The following ATP9B variants were observed in gnomAD, a reference collection of about 807,000 sequenced individuals.
The protein encoded by ATP9B is ATPase phospholipid transporting 9B.
ATP9B carries 110 observed loss-of-function variants against 146.1 expected under a neutral mutation model. The ratio of observed to expected loss-of-function variants is 0.75; its 90% CI spans 0.65 to 0.88. The LOEUF is 0.88. ATP9B is among the 40% of genes least tolerant of loss of function. The pLI is 0.00. For missense variants in ATP9B, 1,499 were observed against 1,496.4 expected, an observed-to-expected ratio of 1.00 and a Z score of -0.03; for synonymous variants, 604 against 569.7, an observed-to-expected ratio of 1.06 and a Z score of -0.86.
intron 8 of ATP9B, among the ~76,000 whole-genome samples, chr18:79,181,703 C>T (rs2095254144): frequency 6.6e-6 from 1 of 152,064 alleles, no homozygotes; most frequent in African/African-American, 2.4e-5. Flanking sequence ...TTAAGCCCAC[C>T]CAATGAATTT....
At chr18:79,248,943 C>T (rs551347927) in intron 11 of ATP9B, among the ~76,000 whole-genome samples, 22 of 152,238 alleles carry the variant, frequency 1.4e-4, no homozygotes, top group Non-Finnish European at 2.4e-4. Flanking sequence ...CAGCATTCGA[C>T]GTCTGCTCCA....
At chr18:79,267,183 A>C (rs1369811114) in intron 12 of ATP9B, among the ~76,000 whole-genome samples, 1 of 152,002 alleles carries the variant, frequency 6.6e-6, no homozygotes, top group East Asian at 1.9e-4. Context: ...CAAGTATTTA[A>C]ATTTTCAGTT....
At chr18:79,147,757 A>G (rs1453751430) in intron 6 of ATP9B, among the ~76,000 whole-genome samples, 3 of 151,972 alleles carry the variant, frequency 2.0e-5, no homozygotes, top group Non-Finnish European at 4.4e-5. Context: ...CCCCTACTGC[A>G]AGAAATTAGG....
chr18:79,079,563 T>C (rs993486914), intron 1 of ATP9B, among the ~76,000 whole-genome samples: 4 of 152,214 alleles, frequency 2.6e-5, no homozygotes, highest in African/African-American at 9.6e-5. Context: ...GTCAGATGGA[T>C]AGATTGCAAA....
At chr18:79,172,202 G>A (rs980733581) in intron 7 of ATP9B, among the ~76,000 whole-genome samples, 5 of 148,764 alleles carry the variant, frequency 3.4e-5, no homozygotes, top group African/African-American at 1.0e-4. Flanking sequence ...CCTAGCCACC[G>A]TGCCCCGCCC....
chr18:79,205,278 CAAAT>C (rs2095523147), intron 9 of ATP9B, among the ~76,000 whole-genome samples: 1 of 74,188 alleles, frequency 1.3e-5, no homozygotes, highest in African/African-American at 7.9e-5. Context: ...CTGTGCTTCA[CAAAT>C]AAACAAATCA....
intron 5 of ATP9B, among the ~76,000 whole-genome samples, chr18:79,136,893 AAGG>A (rs1460392565): frequency 6.6e-6 from 1 of 152,200 alleles, no homozygotes; most frequent in Non-Finnish European, 1.5e-5. Flanking sequence ...TGGTGGCAGC[AAGG>A]AGAAGTGCAA....
intron 12 of ATP9B, chr18:79,254,697 C>G (rs2096061447): frequency 6.6e-6 from 1 of 152,474 alleles, no homozygotes; most frequent in Admixed American, 6.5e-5. Context: ...CCTAATAAGG[C>G]CCAGCTTCCC....
intron 1 of ATP9B, chr18:79,086,250 GC>G (rs1159165579): frequency 1.3e-5 from 2 of 151,876 alleles, no homozygotes; most frequent in African/African-American, 2.4e-5. Flanking sequence ...GACCAGCCTG[GC>G]CAAGGTGGTG....
chr18:79,230,733 A>C (rs988678926), intron 11 of ATP9B, among the ~76,000 whole-genome samples: 5 of 152,188 alleles, frequency 3.3e-5, no homozygotes, highest in Non-Finnish European at 1.5e-5. Flanking sequence ...CCTAAAATTC[A>C]TATGGAACCA....
rs140493966 is a variant in ATP9B at position 79,176,685 on chromosome 18, G to T, written c.779-128G>T. The stretch of plus-strand genomic sequence containing the variant: ...AAAGTTTTTAAGGAGTTTTGTTCCT[G>T]GGAATATCTAGATTGTTATTTCTTT... On this transcript the variant is annotated intron_variant, in intron 7 of 29. Transcript: ENST00000426216. 9 of 699,148 alleles carry T rather than the reference G, an allele frequency of 1.3e-5. No individual in the cohort carries two copies. In the East Asian group the frequency reaches 2.6e-4, roughly 20 times the overall value. The allele number at this position is 699,148 out of a possible 1,614,324, so 43.3% of individuals were successfully genotyped here.
At position 79,213,971 on chromosome 18, in the gene ATP9B, T is replaced by C. The variant is rs764533605; in HGVS notation, c.1040T>C (p.Ile347Thr). The change falls in exon 11 of 30, where the codon ATA becomes ACA. Residue 347 changes from isoleucine (I) to threonine (T), a missense_variant. Transcript: ENST00000426216. ...TTTCATGTTTTTGCAGGTACTGTAATAGGTGTTGTCATTTATACCGGAAAA... is the reference window on the plus strand; with the variant it reads ...TTTCATGTTTTTGCAGGTACTGTAACAGGTGTTGTCATTTATACCGGAAAA... ...ASTIVASGTVIGVVIYTGKET... is the reference protein window; with the variant it reads ...ASTIVASGTVTGVVIYTGKET... 1.2e-6 allele frequency: 2 copies of C among 1,605,680 alleles called. No individual in the cohort carries two copies. Among genetic ancestry groups the C allele is most frequent in the South Asian group, 1.1e-5 (1 of 89,462 alleles).
At chr18:79,099,947 A>G (rs1334468368) in intron 2 of ATP9B, among the ~76,000 whole-genome samples, 2 of 152,080 alleles carry the variant, frequency 1.3e-5, no homozygotes, top group Non-Finnish European at 2.9e-5. Context: ...CAACACAGTG[A>G]AACCCTGTCT....
chr18:79,369,825 G>C (rs560077520), intron 26 of ATP9B, among the ~76,000 whole-genome samples: 3 of 152,232 alleles, frequency 2.0e-5, no homozygotes, highest in Admixed American at 2.0e-4. Flanking sequence ...TTGGCCGGGC[G>C]CAGTGGCTCA....
At chr18:79,294,079 A>G (rs2096530244) in intron 13 of ATP9B, among the ~76,000 whole-genome samples, 1 of 152,172 alleles carries the variant, frequency 6.6e-6, no homozygotes, top group African/African-American at 2.4e-5. Context: ...ACATCTAACT[A>G]AAGCACTGGA....
intron 4 of ATP9B, among the ~76,000 whole-genome samples, chr18:79,125,336 C>T (rs1354197961): frequency 6.6e-6 from 1 of 152,096 alleles, no homozygotes; most frequent in African/African-American, 2.4e-5. Flanking sequence ...GGGAAAGAGA[C>T]TAGAAGAATC....
intron 11 of ATP9B, among the ~76,000 whole-genome samples, chr18:79,251,219 C>T (rs574989682): frequency 6.6e-6 from 1 of 152,350 alleles, no homozygotes; most frequent in South Asian, 2.1e-4. Flanking sequence ...GGAGGGGCCG[C>T]CCCACCCCGC....
intron 8 of ATP9B, among the ~76,000 whole-genome samples, chr18:79,190,856 A>G (rs1479940115): frequency 6.6e-6 from 1 of 151,976 alleles, no homozygotes; most frequent in Non-Finnish European, 1.5e-5. Flanking sequence ...CATTTTATTT[A>G]TATTTTAAAG....
At position 79,292,024 on chromosome 18, in the gene ATP9B, A is replaced by G. The variant is rs535386895; in HGVS notation, c.1412-11580A>G. Reference sequence around the variant, plus strand: ...CCCTGCTGGCCTCCTTCACTGGCATATACTCTTTTACTGGTTCATTCGTAT... The same window carrying G: ...CCCTGCTGGCCTCCTTCACTGGCATGTACTCTTTTACTGGTTCATTCGTAT... On this transcript the variant is annotated intron_variant, in intron 13 of 29. Transcript: ENST00000426216. 2.0e-4 allele frequency among the ~76,000 whole-genome samples: 31 copies of G among 152,326 alleles called. No individual in the cohort carries two copies. In the South Asian group the frequency reaches 6.2e-3, roughly 31 times the overall value.
Sources: gnomAD v4.1 joint callset for allele counts (sites outside exome capture counted in the v4.1 genomes callset) on GRCh38, gnomAD v4.1.1 for gene constraint, MANE v1.5 for transcripts, NCBI Gene and HGNC (gene_info 2026-07-23, HGNC 2026-07-21) for gene names.